Variants in EXOC4 observed in about 807,000 individuals in gnomAD.
EXOC4 encodes the protein exocyst complex component 4, also known as SEC8-like 1.
Under a neutral mutation model 107.2 loss-of-function variants are expected in EXOC4, and 71 were observed. That is an observed-to-expected ratio of 0.66 (90% CI 0.55 to 0.81). EXOC4 has a LOEUF of 0.81. EXOC4 is among the 30% of genes least tolerant of loss of function. The pLI, the probability that EXOC4 is intolerant of heterozygous loss-of-function variation, is 0.00. For synonymous variants in EXOC4, 456 were observed against 441.2 expected (o/e 1.03, Z -0.42); for missense variants, 1,108 against 1,189.6 (o/e 0.93, Z 1.01).
At chr7:133,629,964 G>A in intron 9 of EXOC4, 81 bp from the exon 10 acceptor site, 1 of 945,330 alleles carries the variant, frequency 1.1e-6, no homozygotes, top group Non-Finnish European at 1.7e-6. Context: ...TGACAGTATA[G>A]GACTCATCTA....
At chr7:133,326,187 C>T (rs374946981) in intron 5 of EXOC4, among the ~76,000 whole-genome samples, 12 of 152,080 alleles carry the variant, frequency 7.9e-5, no homozygotes, top group Non-Finnish European at 1.2e-4. Context: ...GAAGTTTGAT[C>T]GTCTGAAGCC....
intron 2 of EXOC4, among the ~76,000 whole-genome samples, chr7:133,288,114 T>C (rs1194640064): frequency 1.3e-5 from 2 of 152,236 alleles, no homozygotes; most frequent in African/African-American, 4.8e-5. Flanking sequence ...ATCAAAAATA[T>C]ATGAAAGTAG....
At chr7:133,335,100 A>C (rs1323874662) in intron 5 of EXOC4, among the ~76,000 whole-genome samples, 1 of 152,184 alleles carries the variant, frequency 6.6e-6, no homozygotes, top group Non-Finnish European at 1.5e-5. Flanking sequence ...GTGCATTTTC[A>C]TGTTGTTGGA....
chr7:133,331,778 G>C (rs1240366117), intron 5 of EXOC4, among the ~76,000 whole-genome samples: 1 of 152,202 alleles, frequency 6.6e-6, no homozygotes, highest in Non-Finnish European at 1.5e-5. Flanking sequence ...CTGAATGCAG[G>C]AAGGTTGAGT....
rs201003706 is a variant in EXOC4 at position 133,977,738 on chromosome 7, TTG to T, written c.2207-19726_2207-19725del. On this transcript the variant is annotated intron_variant, in intron 14 of 17. Coordinates refer to ENST00000253861, the MANE Select transcript of EXOC4 (RefSeq NM_021807.4). ...TTTTGTTTGAGTTGGTTTTGTTGTT[TTG>T]TGTGTGTGTGTGTGTGTGTGTGTGT... 4.3e-3 allele frequency among the ~76,000 whole-genome samples: 377 copies of T among 88,120 alleles called. 1 individual carries two copies. Among genetic ancestry groups the T allele is most frequent in the African/African-American group, 0.016 (289 of 18,630 alleles). The allele number at this position is 88,120 out of a possible 152,430, so 57.8% of individuals were successfully genotyped here. A position where few individuals can be genotyped will look rare whatever the true frequency, so the allele number is the denominator to read the frequency against.
At chr7:133,662,096 T>C (rs1282163944) in intron 10 of EXOC4, among the ~76,000 whole-genome samples, 1 of 152,044 alleles carries the variant, frequency 6.6e-6, no homozygotes, top group South Asian at 2.1e-4. Context: ...GCAGAAAAGG[T>C]TTTTGTAATT....
At chr7:133,711,963 A>G (rs1015032595) in intron 10 of EXOC4, among the ~76,000 whole-genome samples, 2 of 152,210 alleles carry the variant, frequency 1.3e-5, no homozygotes, top group African/African-American at 4.8e-5. Flanking sequence ...TTTGAGCTCC[A>G]TGAAATAAAG....
chr7:133,770,340 C>T (rs1301950544), intron 10 of EXOC4, among the ~76,000 whole-genome samples: 1 of 151,888 alleles, frequency 6.6e-6, no homozygotes, highest in Non-Finnish European at 1.5e-5. Flanking sequence ...ATACCCAGGC[C>T]TGTGTGATTC....
chr7:133,254,706 A>G (rs1285967971), intron 1 of EXOC4, among the ~76,000 whole-genome samples: 1 of 152,210 alleles, frequency 6.6e-6, no homozygotes, highest in African/African-American at 2.4e-5. Context: ...AGGAGAGTAT[A>G]GTTTACCTGG....
intron 11 of EXOC4, among the ~76,000 whole-genome samples, chr7:133,855,051 AAATATATCTAAATATATC>A (rs1798321380): frequency 4.7e-5 from 3 of 63,160 alleles, no homozygotes; most frequent in African/African-American, 3.7e-4. Flanking sequence ...ATATATATCT[AAATATATCTAAATATATC>A]TAAATATATC....
At chr7:133,350,437 C>T (rs552334670) in intron 5 of EXOC4, among the ~76,000 whole-genome samples, 14 of 152,110 alleles carry the variant, frequency 9.2e-5, no homozygotes, top group Non-Finnish European at 1.9e-4. Flanking sequence ...GTCCTTTCCC[C>T]ATTGAATGGT....
intron 2 of EXOC4, 45 bp from the exon 3 acceptor site, chr7:133,288,877 G>A: frequency 6.4e-7 from 1 of 1,555,914 alleles, no homozygotes; most frequent in African/African-American, 1.4e-5. Context: ...GGTTTAGACT[G>A]GCAAGACTTT....
chr7:133,389,430 G>A (rs1003873943), intron 7 of EXOC4, among the ~76,000 whole-genome samples: 48 of 151,926 alleles, frequency 3.2e-4, no homozygotes, highest in Admixed American at 1.0e-3. Flanking sequence ...AAAACTAGCC[G>A]GGTGTGGTGG....
intron 17 of EXOC4, among the ~76,000 whole-genome samples, chr7:134,063,889 A>G (rs1796127513): frequency 6.6e-6 from 1 of 152,230 alleles, no homozygotes; most frequent in South Asian, 2.1e-4. Context: ...AGTATTTTAC[A>G]AAACCTCCAA....
intron 1 of EXOC4, among the ~76,000 whole-genome samples, chr7:133,274,009 TA>T (rs1218718401): frequency 2.0e-5 from 3 of 151,622 alleles, no homozygotes; most frequent in South Asian, 2.1e-4. Flanking sequence ...AATACTAAAT[TA>T]AAAAAAAATT....
intron 13 of EXOC4, among the ~76,000 whole-genome samples, chr7:133,925,320 G>C (rs1800027472): frequency 6.6e-6 from 1 of 152,060 alleles, no homozygotes; most frequent in Non-Finnish European, 1.5e-5. Flanking sequence ...GTCACGCAAG[G>C]GCTTTCATAG....
intron 5 of EXOC4, among the ~76,000 whole-genome samples, chr7:133,327,569 G>C (rs1336663384): frequency 6.6e-6 from 1 of 152,040 alleles, no homozygotes; most frequent in Non-Finnish European, 1.5e-5. Flanking sequence ...TCTCTTGTGG[G>C]CATTTAGTGC....
intron 10 of EXOC4, among the ~76,000 whole-genome samples, chr7:133,695,065 G>C (rs1361300322): frequency 6.6e-6 from 1 of 152,012 alleles, no homozygotes; most frequent in Non-Finnish European, 1.5e-5. Flanking sequence ...CAGGTAATCG[G>C]CCCACCTCGG....
At chr7:133,395,655 T>C (rs965166145) in intron 7 of EXOC4, among the ~76,000 whole-genome samples, 1 of 151,874 alleles carries the variant, frequency 6.6e-6, no homozygotes, top group Non-Finnish European at 1.5e-5. Context: ...TAGAAAATTA[T>C]ATATATATAC....
Sources: gnomAD v4.1 joint callset for allele counts (sites outside exome capture counted in the v4.1 genomes callset) on GRCh38, gnomAD v4.1.1 for gene constraint, MANE v1.5 for transcripts, NCBI Gene and HGNC (gene_info 2026-07-23, HGNC 2026-07-21) for gene names.